PDZK1: variants seen among roughly 807,000 people sequenced by gnomAD.
PDZK1 encodes the protein Na(+)/H(+) exchange regulatory cofactor NHE-RF3.
A neutral mutation model predicts 38.1 loss-of-function variants in PDZK1; 23 were observed. The ratio of observed to expected loss-of-function variants is 0.60; its 90% confidence interval spans 0.43 to 0.85. PDZK1 has a LOEUF of 0.85. Ranked by LOEUF, PDZK1 falls within the 40% of genes least tolerant of loss-of-function variation. PDZK1 has a pLI of 0.00. For synonymous variants in PDZK1, 98 were observed against 186.2 expected, an observed-to-expected ratio of 0.53 and a Z score of 3.86; for missense variants, 297 against 504.3, an observed-to-expected ratio of 0.59 and a Z score of 3.94.
intron 6 of PDZK1, among the ~76,000 whole-genome samples, chr1:145,677,538 T>A (rs1653807237): frequency 6.6e-6 from 1 of 151,810 alleles, no homozygotes; most frequent in Non-Finnish European, 1.5e-5. Flanking sequence ...AAGCCATTAA[T>A]CTAATTAATT....
At chr1:145,688,244 G>A (rs1236884765) in intron 1 of PDZK1, among the ~76,000 whole-genome samples, 2 of 151,876 alleles carry the variant, frequency 1.3e-5, no homozygotes, top group South Asian at 2.1e-4. Flanking sequence ...TCAGACCCAC[G>A]TATTTTTTAC....
At chr1:145,684,410 G>C (rs1427889915) in intron 3 of PDZK1, among the ~76,000 whole-genome samples, 1 of 151,694 alleles carries the variant, frequency 6.6e-6, no homozygotes, top group African/African-American at 2.4e-5. Flanking sequence ...GGGTTTCACC[G>C]TGTTAGCCAG....
intron 1 of PDZK1, among the ~76,000 whole-genome samples, chr1:145,701,885 C>T (rs781994606): frequency 8.5e-5 from 13 of 152,194 alleles, no homozygotes; most frequent in Non-Finnish European, 1.8e-4. Flanking sequence ...ATATTTAAGG[C>T]TGCCTGGATT....
At chr1:145,703,206 A>G (rs1656066169) in intron 1 of PDZK1, among the ~76,000 whole-genome samples, 1 of 152,176 alleles carries the variant, frequency 6.6e-6, no homozygotes, top group South Asian at 2.1e-4. Context: ...TCGCTCATGT[A>G]CTTAACAAGT....
chr1:145,689,458 A>T (rs1655063109), intron 1 of PDZK1, among the ~76,000 whole-genome samples: 1 of 152,196 alleles, frequency 6.6e-6, no homozygotes, highest in Admixed American at 6.5e-5. Flanking sequence ...TAGGAGGAAG[A>T]CAGGACAAGT....
At chr1:145,673,041 TTA>T (rs1491084427) in intron 7 of PDZK1, 21 bp from the exon 8 acceptor site, 1 of 1,420,906 alleles carries the variant, frequency 7.0e-7, no homozygotes, top group Non-Finnish European at 9.9e-7. Context: ...AAGTTCTGAG[TTA>T]TCAATTTCAA....
At chr1:145,677,963 G>A (rs1653876222) in intron 6 of PDZK1, among the ~76,000 whole-genome samples, 1 of 132,156 alleles carries the variant, frequency 7.6e-6, no homozygotes, top group Non-Finnish European at 1.6e-5. Flanking sequence ...AGTAGTGGGT[G>A]TTATGATAAA....
chr1:145,681,634 A>G (rs1654272495), intron 4 of PDZK1, among the ~76,000 whole-genome samples: 1 of 124,222 alleles, frequency 8.1e-6, no homozygotes, highest in Non-Finnish European at 1.6e-5. Context: ...AGTATGACCT[A>G]CCCACATAGG....
chr1:145,700,589 G>A (rs1482891664), intron 1 of PDZK1, among the ~76,000 whole-genome samples: 1 of 152,130 alleles, frequency 6.6e-6, no homozygotes, highest in Non-Finnish European at 1.5e-5. Context: ...TCAGAGAGAG[G>A]GCATGGGATA....
At chr1:145,685,700 C>G (rs1553701476) in intron 3 of PDZK1, among the ~76,000 whole-genome samples, 1 of 152,188 alleles carries the variant, frequency 6.6e-6, no homozygotes, top group East Asian at 1.9e-4. Context: ...AGAACATAGG[C>G]AGAGGCAGTG....
At chr1:145,699,292 C>T (rs1655820551) in intron 1 of PDZK1, among the ~76,000 whole-genome samples, 2 of 151,922 alleles carry the variant, frequency 1.3e-5, no homozygotes, top group South Asian at 4.2e-4. Context: ...GTTGTGCGTG[C>T]CTGTAATCCC....
At chr1:145,693,648 C>T (rs1315120089) in intron 1 of PDZK1, among the ~76,000 whole-genome samples, 1 of 152,006 alleles carries the variant, frequency 6.6e-6, no homozygotes, top group Non-Finnish European at 1.5e-5. Flanking sequence ...GTGGCGGGCG[C>T]CTGTGGTCCC....
At chr1:145,685,917 C>T (rs1194084398) in intron 3 of PDZK1, among the ~76,000 whole-genome samples, 4 of 152,212 alleles carry the variant, frequency 2.6e-5, no homozygotes, top group Admixed American at 1.3e-4. Context: ...GGGGCTGAGC[C>T]GCAGCTGAGG....
chr1:145,703,916 C>A (rs1334555408), intron 1 of PDZK1, among the ~76,000 whole-genome samples: 3 of 151,788 alleles, frequency 2.0e-5, no homozygotes, highest in Non-Finnish European at 2.9e-5. Flanking sequence ...GCAACCTCTG[C>A]CACTTGGATT....
rs587621665 is a variant in PDZK1, at chr1:145,680,759, CCCT to C, written c.793+150_793+152del. ...GAAACTTTTGATGCCCAACATCAGACCCTCATGTGACATAGACGCTGACCCAGC... is the reference window on the plus strand; with the variant it reads ...GAAACTTTTGATGCCCAACATCAGACCATGTGACATAGACGCTGACCCAGC... On this transcript the variant is annotated intron_variant, in intron 5 of 8. Transcript: ENST00000417171. 4.7e-5 allele frequency among the ~76,000 whole-genome samples: 7 copies of C among 148,846 alleles called. No individual in the cohort carries two copies. The East Asian group carries it at 1.4e-3, about 30-fold the overall frequency.
chr1:145,671,832 G>A (rs1653092592), intron 8 of PDZK1, among the ~76,000 whole-genome samples: 1 of 152,132 alleles, frequency 6.6e-6, no homozygotes, highest in South Asian at 2.1e-4. Context: ...CTAGGATATT[G>A]ACTTCCTAAA....
intron 3 of PDZK1, among the ~76,000 whole-genome samples, chr1:145,684,561 T>C (rs1328129752): frequency 6.6e-6 from 1 of 152,178 alleles, no homozygotes; most frequent in Non-Finnish European, 1.5e-5. Flanking sequence ...ATAGGGTGTG[T>C]GTCATATTTT....
intron 1 of PDZK1, among the ~76,000 whole-genome samples, chr1:145,694,895 CAAAAAAAAAAAA>C (rs10657290): frequency 1.3e-4 from 5 of 39,796 alleles, no homozygotes; most frequent in East Asian, 6.7e-4. Context: ...GACTCTGTCT[CAAAAAAAAAAAA>C]AAAAAAAAAA....
chr1:145,685,252 G>A (rs1366239832), intron 3 of PDZK1, among the ~76,000 whole-genome samples: 1 of 151,944 alleles, frequency 6.6e-6, no homozygotes, highest in Non-Finnish European at 1.5e-5. Context: ...ACCTAGGCAA[G>A]GGATCGCTTG....
Sources: allele counts gnomAD v4.1 joint callset (sites outside exome capture counted in the v4.1 genomes callset), GRCh38; gene constraint gnomAD v4.1.1; transcripts MANE v1.5; gene names NCBI Gene and HGNC (gene_info 2026-07-23, HGNC 2026-07-21).